The following IL12RB2 variants were observed in gnomAD, a reference collection of about 807,000 sequenced individuals.
IL12RB2 encodes interleukin-12 receptor subunit beta-2.
A neutral mutation model predicts 89.4 loss-of-function variants in IL12RB2; 82 were observed. The observed-to-expected ratio is 0.92, with a 90% CI of 0.77 to 1.10. IL12RB2 has a LOEUF of 1.10. Among genes scored for constraint, IL12RB2 ranks in the 50% least tolerant of loss-of-function variants. The pLI is 0.00. For synonymous variants in IL12RB2, 368 were observed against 370.1 expected, an observed-to-expected ratio of 0.99 and a Z score of 0.07; for missense variants, 963 against 1,031.9, an observed-to-expected ratio of 0.93 and a Z score of 0.92.
intron 9 of IL12RB2, among the ~76,000 whole-genome samples, chr1:67,345,077 A>G (rs989174312): frequency 5.3e-5 from 8 of 152,186 alleles, no homozygotes; most frequent in Admixed American, 4.6e-4. Flanking sequence ...AGGCTGAGGC[A>G]GGAGAATCAC....
At chr1:67,391,050 T>G (rs890772156) in intron 16 of IL12RB2, among the ~76,000 whole-genome samples, 2 of 152,098 alleles carry the variant, frequency 1.3e-5, no homozygotes, top group Non-Finnish European at 2.9e-5. Context: ...CATTTAAGTC[T>G]CTATAGTTTA....
Position 67,338,675 on chromosome 1 carries a change from G to A in IL12RB2, c.1010G>A (p.Ser337Asn), listed in dbSNP as rs1569886133. Residue 337 changes from serine to asparagine, a missense_variant, in exon 9 of 17, where the codon AGT becomes AAT. Coordinates refer to ENST00000674203, the MANE Select transcript of IL12RB2 (RefSeq NM_001374259.2). ...TACATGAAACGGCACATTGACTACAGTAGACAACAGATTTCTCTTTTCTGG... is the reference window on the plus strand; with the variant it reads ...TACATGAAACGGCACATTGACTACAATAGACAACAGATTTCTCTTTTCTGG... ...VWYMKRHIDY[S>N]RQQISLFWKN... 2.6e-6 allele frequency: 4 copies of A among 1,543,362 alleles called. No individual in the cohort carries two copies. In the African/African-American group the frequency reaches 5.4e-5, roughly 21 times the overall value.
Position 67,396,232 on chromosome 1 carries a change from TG to T in IL12RB2, c.*148del. 1.3e-6 allele frequency: 1 copy of T among 755,530 alleles called. No individual in the cohort carries two copies. The highest frequency in any genetic ancestry group is 2.4e-5 in the East Asian group (1 of 41,066). 46.8% of individuals were successfully genotyped at this position (755,530 alleles called of 1,614,324 possible). A position where few individuals can be genotyped will look rare whatever the true frequency, so the allele number is the denominator to read the frequency against. ...AGCTAGAGGACAGGCAAGCCAGCTCTGGGGGAGTCTTAGGAACTGGGAGTTG... is the reference window on the plus strand; with the variant it reads ...AGCTAGAGGACAGGCAAGCCAGCTCTGGGGAGTCTTAGGAACTGGGAGTTG... On this transcript the variant is annotated 3_prime_UTR_variant, in exon 17 of 17. Coordinates refer to ENST00000674203, the MANE Select transcript of IL12RB2 (RefSeq NM_001374259.2).
intron 16 of IL12RB2, among the ~76,000 whole-genome samples, chr1:67,390,776 G>C (rs1665727590): frequency 6.6e-6 from 1 of 152,250 alleles, no homozygotes; most frequent in East Asian, 1.9e-4. Context: ...TCTGGAAGTT[G>C]AAAGTATCTG....
chr1:67,372,067 C>CATGT (rs1663406790), intron 11 of IL12RB2, among the ~76,000 whole-genome samples: 3 of 151,184 alleles, frequency 2.0e-5, no homozygotes, highest in Admixed American at 2.0e-4. Context: ...AGTCTGGGTG[C>CATGT]GTGTGTGTGT....
At position 67,379,984 on chromosome 1, in the gene IL12RB2, A is replaced by G; in HGVS notation, c.1718-2A>G. 1.2e-6 allele frequency: 2 copies of G among 1,606,150 alleles called. No homozygotes were observed. Among genetic ancestry groups the G allele is most frequent in the South Asian group, 1.1e-5 (1 of 90,894 alleles). The stretch of plus-strand genomic sequence containing the variant: ...GCCTTTCTTCCTTTATCTTCCTTTC[A>G]GAAATTCCCTACAGAGTCTCCCAAA... On this transcript the variant is annotated splice_acceptor_variant, in intron 13 of 16. Transcript: ENST00000674203. LOFTEE classifies it high-confidence loss of function.
At chr1:67,378,632 A>T (rs1230502479) in intron 13 of IL12RB2, among the ~76,000 whole-genome samples, 1 of 151,784 alleles carries the variant, frequency 6.6e-6, no homozygotes, top group Non-Finnish European at 1.5e-5. Flanking sequence ...CGGGCAGATC[A>T]CCAGGTCAGG....
At chr1:67,385,670 C>T (rs1389278991) in intron 14 of IL12RB2, among the ~76,000 whole-genome samples, 1 of 152,188 alleles carries the variant, frequency 6.6e-6, no homozygotes, top group Admixed American at 6.5e-5. Context: ...TGGCCAATTC[C>T]AATAAGTAGT....
At chr1:67,316,421 AGTGTGT>A (rs71062410) in intron 2 of IL12RB2, among the ~76,000 whole-genome samples, 55 of 146,250 alleles carry the variant, frequency 3.8e-4, no homozygotes, top group East Asian at 2.0e-4. Context: ...TCCCCAGAGT[AGTGTGT>A]GTGTGTGTGT....
At chr1:67,393,554 C>T (rs560103324) in intron 16 of IL12RB2, among the ~76,000 whole-genome samples, 35 of 152,336 alleles carry the variant, frequency 2.3e-4, no homozygotes, top group African/African-American at 7.9e-4. Flanking sequence ...GCCAGACCCA[C>T]GTGCCAGGGC....
intron 9 of IL12RB2, among the ~76,000 whole-genome samples, chr1:67,343,896 TCAAA>T (rs1328100677): frequency 2.6e-5 from 4 of 152,348 alleles, no homozygotes; most frequent in East Asian, 1.9e-4. Flanking sequence ...ATTCATTTGC[TCAAA>T]CAAACATATG....
chr1:67,338,561 G>T, intron 8 of IL12RB2, 63 bp from the exon 9 acceptor site: 2 of 806,202 alleles, frequency 2.5e-6, no homozygotes, highest in South Asian at 2.7e-5. Context: ...TTTACTGAAT[G>T]ACCAGTTAAC....
intron 9 of IL12RB2, among the ~76,000 whole-genome samples, chr1:67,339,486 CAAAAAAA>C (rs200086991): frequency 1.2e-4 from 9 of 77,350 alleles, no homozygotes; most frequent in South Asian, 4.7e-4. Flanking sequence ...GACTACGTTT[CAAAAAAA>C]AAAAAAAAAG....
intron 8 of IL12RB2, among the ~76,000 whole-genome samples, chr1:67,331,064 A>G (rs1053016852): frequency 9.2e-5 from 14 of 152,330 alleles, no homozygotes; most frequent in African/African-American, 3.4e-4. Context: ...TGTTGGTTAT[A>G]ATGCTTGGTT....
At chr1:67,368,979 C>A (rs571575023) in intron 11 of IL12RB2, among the ~76,000 whole-genome samples, 1 of 152,208 alleles carries the variant, frequency 6.6e-6, no homozygotes, top group African/African-American at 2.4e-5. Flanking sequence ...GCTCTAAATC[C>A]TATAATGTTT....
intron 16 of IL12RB2, among the ~76,000 whole-genome samples, chr1:67,391,045 A>C (rs1284566085): frequency 6.6e-6 from 1 of 152,094 alleles, no homozygotes; most frequent in East Asian, 1.9e-4. Flanking sequence ...TTAGGCATTT[A>C]AGTCTCTATA....
chr1:67,321,816 C>T lies in IL12RB2; in HGVS notation c.291C>T (p.Thr97=). 6.2e-7 allele frequency: 1 copy of T among 1,613,190 alleles called. No homozygotes were observed. Among genetic ancestry groups the T allele is most frequent in the Non-Finnish European group, 8.5e-7 (1 of 1,179,186 alleles). Residue 97 remains threonine (T), a synonymous_variant, in exon 4 of 17, where the codon ACC becomes ACT. Transcript: ENST00000674203. ...TCACAGGTCTTCCCCTTGGTACAACCTTGTTTGTCTGCAAACTGGCCTGTA... is the reference window on the plus strand; with the variant it reads ...TCACAGGTCTTCCCCTTGGTACAACTTTGTTTGTCTGCAAACTGGCCTGTA... ...SQVTGLPLGT[T]LFVCKLACIN... is the part of the protein sequence containing the mutation.
At chr1:67,376,031 A>G (rs960991871) in intron 13 of IL12RB2, among the ~76,000 whole-genome samples, 2 of 151,922 alleles carry the variant, frequency 1.3e-5, no homozygotes, top group African/African-American at 2.4e-5. Flanking sequence ...TATTTTTAGT[A>G]GACACGGGGT....
intron 4 of IL12RB2, among the ~76,000 whole-genome samples, chr1:67,323,693 C>T (rs975031521): frequency 2.6e-5 from 4 of 152,166 alleles, no homozygotes; most frequent in Admixed American, 1.3e-4. Context: ...AATATTTCCT[C>T]GCATGCACCC....
Sources: allele counts gnomAD v4.1 joint callset (sites outside exome capture counted in the v4.1 genomes callset), GRCh38; gene constraint gnomAD v4.1.1; transcripts MANE v1.5; gene names NCBI Gene and HGNC (gene_info 2026-07-23, HGNC 2026-07-21).